The following GLIS1 variants were observed in gnomAD, a reference collection of about 807,000 sequenced individuals.
The protein encoded by GLIS1 is zinc finger protein GLIS1.
Under a neutral mutation model 63.8 loss-of-function variants are expected in GLIS1, and 24 were observed. That is an observed-to-expected ratio of 0.38 (90% CI 0.27 to 0.53). GLIS1 has a LOEUF of 0.53. Ranked by LOEUF, GLIS1 falls within the 20% of genes least tolerant of loss-of-function variation. The probability of loss-of-function intolerance (pLI) is 0.85; values close to 1 mark genes in which losing one functional copy is unlikely to be tolerated. For missense variants in GLIS1, 1,036 were observed against 1,074.1 expected, an observed-to-expected ratio of 0.96 and a Z score of 0.50; for synonymous variants, 450 against 482.5, an observed-to-expected ratio of 0.93 and a Z score of 0.88.
intron 9 of GLIS1, 149 bp downstream of exon 9, chr1:53,509,700 T>C (rs964110896): frequency 1.1e-5 from 5 of 470,114 alleles, no homozygotes; most frequent in African/African-American, 1.0e-4. Context: ...TTATGTCCCC[T>C]GTCTCCTAGC....
intron 2 of GLIS1, among the ~76,000 whole-genome samples, chr1:53,671,495 G>T (rs544252391): frequency 6.6e-6 from 1 of 152,320 alleles, no homozygotes; most frequent in African/African-American, 2.4e-5. Context: ...TCCTGGAAAC[G>T]AGAGGCCCAT....
chr1:53,720,846 A>C (rs1339893104), intron 2 of GLIS1, among the ~76,000 whole-genome samples: 2 of 152,124 alleles, frequency 1.3e-5, no homozygotes, highest in Non-Finnish European at 2.9e-5. Flanking sequence ...AAAACATACA[A>C]CATTATCTGG....
At chr1:53,636,648 C>T (rs1645724270) in intron 2 of GLIS1, among the ~76,000 whole-genome samples, 2 of 152,130 alleles carry the variant, frequency 1.3e-5, no homozygotes, top group Admixed American at 1.3e-4. Flanking sequence ...GAGCTGACAC[C>T]CACACCCAGG....
rs1190249050 is a variant in GLIS1 at position 53,526,951 on chromosome 1, A to G, written c.1483-2064T>C. 6.6e-6 allele frequency among the ~76,000 whole-genome samples: 1 copy of G among 152,234 alleles called. No homozygotes were observed. Among genetic ancestry groups the G allele is most frequent in the African/African-American group, 2.4e-5 (1 of 41,466 alleles). Reference sequence around the variant, plus strand: ...CGGCCTCCCTCTGTCTGTAATGAGGACGCTCCGGGTGAGTCTGCCGTGCGG... The same window carrying G: ...CGGCCTCCCTCTGTCTGTAATGAGGGCGCTCCGGGTGAGTCTGCCGTGCGG... On this transcript the variant is annotated intron_variant, in intron 5 of 10. Coordinates refer to ENST00000628545, the MANE Select transcript of GLIS1 (RefSeq NM_001367484.1). The surrounding 1 kb of genome is among the most constrained non-coding windows in gnomAD (Gnocchi z 4.4).
At chr1:53,736,402 G>C (rs563872080) in intron 2 of GLIS1, among the ~76,000 whole-genome samples, 1 of 152,344 alleles carries the variant, frequency 6.6e-6, no homozygotes, top group Admixed American at 6.5e-5. Flanking sequence ...TCGATCTTCA[G>C]AGGACAGCCA....
At chr1:53,635,112 T>C (rs144174524) in intron 2 of GLIS1, among the ~76,000 whole-genome samples, 174 of 152,020 alleles carry the variant, frequency 1.1e-3, no homozygotes, top group African/African-American at 4.0e-3. Context: ...TGTATGCTGA[T>C]AGGGATGATC....
Position 53,631,528 on chromosome 1 carries a change from T to C in GLIS1, c.260-31250A>G, listed in dbSNP as rs1569951148. 2.6e-5 allele frequency among the ~76,000 whole-genome samples: 4 copies of C among 152,346 alleles called. No homozygotes were observed. In the South Asian group the frequency reaches 8.3e-4, roughly 32 times the overall value. ...GTACCTGCTATGTGCCAGAGACTAT[T>C]CTAGGTGCTGGGATACAGCAGTGAA... is the stretch of plus-strand genomic sequence containing the variant. On this transcript the variant is annotated intron_variant, in intron 2 of 10. Transcript: ENST00000628545.
intron 4 of GLIS1, among the ~76,000 whole-genome samples, chr1:53,581,518 CA>C (rs1394287891): frequency 1.3e-5 from 2 of 152,176 alleles, no homozygotes; most frequent in East Asian, 1.9e-4. Flanking sequence ...GGGAACAAAA[CA>C]AAAACATCTA....
chr1:53,506,817 G>T, intron 10 of GLIS1, 41 bp from the exon 11 acceptor site: 1 of 1,580,142 alleles, frequency 6.3e-7, no homozygotes. Context: ...GAGGCAGCAG[G>T]GGCTGTGCCT....
chr1:53,539,466 ACAT>A lies in GLIS1; in HGVS notation c.1321-9517_1321-9515del, dbSNP rs1480850090. Among the ~76,000 whole-genome samples the A allele has an allele frequency of 6.7e-6, 1 of 149,612 alleles. No individual in the cohort carries two copies. Among genetic ancestry groups the A allele is most frequent in the African/African-American group, 2.5e-5 (1 of 40,500 alleles). On this transcript the variant is annotated intron_variant, in intron 4 of 10. Coordinates refer to ENST00000628545, the MANE Select transcript of GLIS1 (RefSeq NM_001367484.1). This position sits in a 1 kb window ranked among gnomAD's most constrained non-coding sequence, Gnocchi z 5.0. ...ATCACAGCACACCCCCAATACATAC[ACAT>A]CATACCTCCCACACACACGTACCAC...
chr1:53,509,606 C>T (rs1271483199), intron 9 of GLIS1, among the ~76,000 whole-genome samples: 2 of 152,166 alleles, frequency 1.3e-5, no homozygotes, highest in Admixed American at 6.5e-5. Flanking sequence ...CTCAGGGCAG[C>T]GGGCCTTTGC....
intron 2 of GLIS1, among the ~76,000 whole-genome samples, chr1:53,652,295 C>T (rs915783726): frequency 6.6e-6 from 1 of 152,164 alleles, no homozygotes; most frequent in African/African-American, 2.4e-5. Flanking sequence ...TTGGCCGCGG[C>T]TCTCAGTGGA....
chr1:53,653,475 G>A lies in GLIS1; in HGVS notation c.260-53197C>T, dbSNP rs138207821. 8.5e-3 allele frequency among the ~76,000 whole-genome samples: 1,296 copies of A among 152,168 alleles called. 14 individuals carry two copies. Among genetic ancestry groups the A allele is most frequent in the African/African-American group, 0.03 (1,241 of 41,496 alleles). ...TCGCTGTCTATTTCTCTCTGTCTGC[G>A]TTCCTCTGTTCTGTCTCGTGGTCTC... On this transcript the variant is annotated intron_variant, in intron 2 of 10. Coordinates refer to ENST00000628545, the MANE Select transcript of GLIS1 (RefSeq NM_001367484.1).
chr1:53,729,576 CA>C lies in GLIS1; in HGVS notation c.259+8229del, dbSNP rs1035386009. On this transcript the variant is annotated intron_variant, in intron 2 of 10. Coordinates refer to ENST00000628545, the MANE Select transcript of GLIS1 (RefSeq NM_001367484.1). ...TTTCAGCCTAAGCCACTTAATCCAT[CA>C]GCACATAAAGCAACTTATTTTATGA... Among the ~76,000 whole-genome samples, 13 of 148,412 alleles carry C rather than the reference CA, an allele frequency of 8.8e-5. No homozygotes were observed. In the Admixed American group the frequency reaches 9.1e-4, roughly 10 times the overall value.
chr1:53,655,496 G>A (rs1645955618), intron 2 of GLIS1, among the ~76,000 whole-genome samples: 1 of 152,138 alleles, frequency 6.6e-6, no homozygotes, highest in Admixed American at 6.5e-5. Context: ...ATCTCATACA[G>A]TCATTGTGAA....
At chr1:53,668,776 C>A (rs1646121323) in intron 2 of GLIS1, among the ~76,000 whole-genome samples, 1 of 152,140 alleles carries the variant, frequency 6.6e-6, no homozygotes, top group Non-Finnish European at 1.5e-5. Context: ...GCAGGCTATC[C>A]CATCTAGGCG....
At chr1:53,663,376 G>C (rs1646050522) in intron 2 of GLIS1, among the ~76,000 whole-genome samples, 1 of 152,226 alleles carries the variant, frequency 6.6e-6, no homozygotes, top group Non-Finnish European at 1.5e-5. Context: ...GGCTGAGGAG[G>C]GGCCACAGAC....
chr1:53,620,498 G>A (rs1395130748), intron 2 of GLIS1, among the ~76,000 whole-genome samples: 1 of 152,232 alleles, frequency 6.6e-6, no homozygotes, highest in South Asian at 2.1e-4. Context: ...CCCCGTCGGC[G>A]GCTTGGCCAT....
At chr1:53,581,997 G>C (rs1645089921) in intron 4 of GLIS1, among the ~76,000 whole-genome samples, 1 of 152,188 alleles carries the variant, frequency 6.6e-6, no homozygotes, top group Non-Finnish European at 1.5e-5. Flanking sequence ...GGACTCAGAG[G>C]GGTGGGATGA....
Sources: allele counts gnomAD v4.1 joint callset (sites outside exome capture counted in the v4.1 genomes callset), GRCh38; gene constraint gnomAD v4.1.1; non-coding constraint Gnocchi (gnomAD v3.1); transcripts MANE v1.5; gene names NCBI Gene and HGNC (gene_info 2026-07-23, HGNC 2026-07-21).